ITGBL1: variants seen among roughly 807,000 people sequenced by gnomAD.
The protein encoded by ITGBL1 is integrin beta-like protein 1.
In ITGBL1, 51 loss-of-function variants were observed where a neutral mutation model predicts 68.5. That is an observed-to-expected ratio of 0.74 (90% CI 0.59 to 0.94). ITGBL1 has a LOEUF of 0.94. Ranked by LOEUF, ITGBL1 falls within the 40% of genes least tolerant of loss-of-function variation. ITGBL1 has a pLI of 0.00. For missense variants in ITGBL1, 649 were observed against 647.4 expected (o/e 1.00, Z -0.03); for synonymous variants, 209 against 227.3 (o/e 0.92, Z 0.72).
chr13:101,688,919 C>G (rs563920742), intron 7 of ITGBL1, among the ~76,000 whole-genome samples: 1 of 152,060 alleles, frequency 6.6e-6, no homozygotes, highest in African/African-American at 2.4e-5. Context: ...ATTATGATTG[C>G]CGGGCATAGT....
intron 10 of ITGBL1, 87 bp from the exon 11 acceptor site, chr13:101,715,476 A>C: frequency 1.1e-6 from 1 of 905,096 alleles, no homozygotes; most frequent in South Asian, 1.4e-5. Flanking sequence ...AAATGATTTC[A>C]TTGTGGACAC....
chr13:101,704,231 A>T (rs1385524437), intron 8 of ITGBL1, among the ~76,000 whole-genome samples: 1 of 152,062 alleles, frequency 6.6e-6, no homozygotes, highest in Non-Finnish European at 1.5e-5. Flanking sequence ...CCGTTGTTCC[A>T]CCAGGGTCTA....
At chr13:101,565,558 G>A (rs1397364111) in intron 2 of ITGBL1, among the ~76,000 whole-genome samples, 1 of 152,126 alleles carries the variant, frequency 6.6e-6, no homozygotes, top group Non-Finnish European at 1.5e-5. Flanking sequence ...ACACATTACA[G>A]TGTCTGACAC....
chr13:101,663,956 A>T (rs996388888), intron 7 of ITGBL1, among the ~76,000 whole-genome samples: 1 of 152,220 alleles, frequency 6.6e-6, no homozygotes. Context: ...CTCTCTTGAG[A>T]AACAGCAGAT....
At chr13:101,596,480 T>G (rs932078916) in intron 6 of ITGBL1, among the ~76,000 whole-genome samples, 1 of 152,164 alleles carries the variant, frequency 6.6e-6, no homozygotes, top group African/African-American at 2.4e-5. Context: ...ATGGATATGT[T>G]TATTATCTTG....
intron 7 of ITGBL1, among the ~76,000 whole-genome samples, chr13:101,618,795 A>G (rs75343618): frequency 0.12 from 18,606 of 152,090 alleles, 1,628 homozygotes; most frequent in African/African-American, 0.25. Flanking sequence ...GTCTAAGGTT[A>G]TAGTTTTACT....
chr13:101,573,950 G>A (rs953829160), intron 3 of ITGBL1, among the ~76,000 whole-genome samples: 5 of 151,940 alleles, frequency 3.3e-5, no homozygotes, highest in South Asian at 2.1e-4. Flanking sequence ...TAAACTCATC[G>A]CATCATGTGT....
intron 2 of ITGBL1, among the ~76,000 whole-genome samples, chr13:101,520,191 T>A (rs1296105138): frequency 6.6e-6 from 1 of 152,190 alleles, no homozygotes; most frequent in Non-Finnish European, 1.5e-5. Flanking sequence ...AAAAATAATA[T>A]GAAAGACTCT....
At chr13:101,595,232 A>G (rs983721658) in intron 6 of ITGBL1, among the ~76,000 whole-genome samples, 19 of 152,292 alleles carry the variant, frequency 1.2e-4, no homozygotes, top group African/African-American at 4.6e-4. Flanking sequence ...GAGCTAGTGC[A>G]TCACATGGCG....
At chr13:101,631,124 T>A (rs116117970) in intron 7 of ITGBL1, among the ~76,000 whole-genome samples, 81 of 152,306 alleles carry the variant, frequency 5.3e-4, no homozygotes, top group African/African-American at 1.8e-3. Flanking sequence ...CCAACCAATA[T>A]TTCCTGAAAT....
chr13:101,547,661 A>T (rs1032981767), intron 2 of ITGBL1, among the ~76,000 whole-genome samples: 1 of 151,812 alleles, frequency 6.6e-6, no homozygotes, highest in Non-Finnish European at 1.5e-5. Context: ...CAGGATGGCT[A>T]CAGTCAAAAA....
intron 7 of ITGBL1, among the ~76,000 whole-genome samples, chr13:101,671,426 G>GTTTTTTTTTTTTTTTTTTTTTT (rs66501713): frequency 2.7e-5 from 3 of 112,624 alleles, no homozygotes; most frequent in Admixed American, 1.1e-4. Flanking sequence ...GTATACCTTT[G>GTTTTTTTTTTTTTTTTTTTTTT]TTTTTTTTTT....
At chr13:101,692,965 C>G (rs1010019817) in intron 8 of ITGBL1, 2 of 301,130 alleles carry the variant, frequency 6.6e-6, no homozygotes, top group African/African-American at 4.3e-5. Flanking sequence ...ACTTTATGAT[C>G]GTGAAAGGTT....
At position 101,452,892 on chromosome 13, in the gene ITGBL1, GGTT is replaced by G. The variant is rs761821086; in HGVS notation, c.62_64del (p.Leu21del). The G allele has an allele frequency of 1.9e-6, 3 of 1,614,144 alleles. No individual in the cohort carries two copies. In the South Asian group the frequency reaches 3.3e-5, roughly 18 times the overall value. Reference sequence around the variant, plus strand: ...CTGGCGTCCTCCCTTCTCTTTGCTGGGTTGTCAGCTGTTCCTCAAAGCTTCTCG... The same window carrying G: ...CTGGCGTCCTCCCTTCTCTTTGCTGGGTCAGCTGTTCCTCAAAGCTTCTCG... On this transcript the variant is annotated inframe_deletion, in exon 1 of 11. Transcript: ENST00000376180.
At chr13:101,483,865 T>C (rs2048662190) in intron 2 of ITGBL1, among the ~76,000 whole-genome samples, 1 of 152,204 alleles carries the variant, frequency 6.6e-6, no homozygotes, top group African/African-American at 2.4e-5. Context: ...ATCATTAAGA[T>C]AATTAAAGTA....
At chr13:101,626,945 A>G (rs1254437618) in intron 7 of ITGBL1, among the ~76,000 whole-genome samples, 1 of 152,160 alleles carries the variant, frequency 6.6e-6, no homozygotes, top group Non-Finnish European at 1.5e-5. Context: ...AGAGCCCTGG[A>G]CTAGGAGGCA....
At chr13:101,676,806 T>C (rs1225354979) in intron 7 of ITGBL1, among the ~76,000 whole-genome samples, 1 of 152,174 alleles carries the variant, frequency 6.6e-6, no homozygotes, top group Non-Finnish European at 1.5e-5. Flanking sequence ...AAGATATTCG[T>C]ATAAGATATT....
chr13:101,485,693 G>A (rs2048692559), intron 2 of ITGBL1, among the ~76,000 whole-genome samples: 1 of 152,128 alleles, frequency 6.6e-6, no homozygotes, highest in Non-Finnish European at 1.5e-5. Flanking sequence ...TTGGGAGGCT[G>A]AGGCAGGAGA....
chr13:101,641,564 TTTC>T (rs1435836725), intron 7 of ITGBL1, among the ~76,000 whole-genome samples: 62 of 151,260 alleles, frequency 4.1e-4, no homozygotes, highest in Middle Eastern at 3.4e-3. Flanking sequence ...TTTTCTTTTT[TTTC>T]TTTTTTTATT....
Sources: allele counts gnomAD v4.1 joint callset (sites outside exome capture counted in the v4.1 genomes callset), GRCh38; gene constraint gnomAD v4.1.1; transcripts MANE v1.5; gene names NCBI Gene and HGNC (gene_info 2026-07-23, HGNC 2026-07-21).